Variants in SRI observed in about 807,000 individuals in gnomAD.
SRI encodes the protein sorcin, also known as 22 kDa protein.
In SRI, 30 loss-of-function variants were observed where a neutral mutation model predicts 33.3. The observed-to-expected ratio is 0.90, with a 90% CI of 0.67 to 1.22. The LOEUF (loss-of-function observed/expected upper bound fraction) is 1.22. Ranked by LOEUF, SRI falls within the 50% of genes most tolerant of loss-of-function variation. The pLI, the probability that SRI is intolerant of heterozygous loss-of-function variation, is 0.00. For missense variants in SRI, 243 were observed against 250.8 expected (o/e 0.97, Z 0.21); for synonymous variants, 75 against 89.9 (o/e 0.83, Z 0.94).
intron 1 of SRI, 79 bp downstream of exon 1, chr7:88,219,897 G>T: frequency 4.0e-6 from 6 of 1,496,560 alleles, no homozygotes; most frequent in Non-Finnish European, 5.4e-6. Context: ...GCCTCACCCC[G>T]CTGGCCGCAG....
intron 7 of SRI, among the ~76,000 whole-genome samples, chr7:88,207,018 T>C (rs774502124): frequency 1.3e-5 from 2 of 152,206 alleles, no homozygotes; most frequent in Non-Finnish European, 2.9e-5. Flanking sequence ...ACCCTTCAGA[T>C]ACCTGAGATT....
chr7:88,222,711 C>T (rs923457593), upstream of SRI, among the ~76,000 whole-genome samples: 1 of 152,126 alleles, frequency 6.6e-6, no homozygotes, highest in African/African-American at 2.4e-5. Context: ...CTACAACTAT[C>T]TGATCTTTGA....
chr7:88,216,443 C>A (rs999646872), intron 3 of SRI, among the ~76,000 whole-genome samples: 1 of 152,094 alleles, frequency 6.6e-6, no homozygotes, highest in Non-Finnish European at 1.5e-5. Context: ...GAGGAAAGAC[C>A]TGAGGGATGT....
upstream of SRI, among the ~76,000 whole-genome samples, chr7:88,222,160 T>C (rs1280323691): frequency 6.7e-6 from 1 of 148,946 alleles, no homozygotes; most frequent in Non-Finnish European, 1.5e-5. Flanking sequence ...CGTGTGCATG[T>C]GTCTTTATAG....
intron 1 of SRI, among the ~76,000 whole-genome samples, chr7:88,225,897 A>T (rs904195584): frequency 1.1e-4 from 16 of 152,202 alleles, no homozygotes; most frequent in African/African-American, 3.9e-4. Flanking sequence ...GATGAACAAG[A>T]TGTAAATATG....
In SRI at chr7:88,206,289, T is replaced by C. The variant is rs1563470070; in HGVS notation, c.*189A>G. The C allele has an allele frequency of 2.9e-6, 2 of 682,712 alleles. No homozygotes were observed. The highest frequency in any genetic ancestry group is 1.8e-5 in the South Asian group (1 of 57,070). 42.3% of individuals were successfully genotyped at this position (682,712 alleles called of 1,614,324 possible). A position where few individuals can be genotyped will look rare whatever the true frequency, so the allele number is the denominator to read the frequency against. On this transcript the variant is annotated 3_prime_UTR_variant, in exon 8 of 8. Transcript: ENST00000265729. The stretch of plus-strand genomic sequence containing the variant: ...AAATGGTGTAACAGACTAGATCTTA[T>C]TAAAGTTCCAAAGAATTTATTATCA...
At position 88,217,133 on chromosome 7, in the gene SRI, C is replaced by T; in HGVS notation, c.194G>A (p.Gly65Glu). 6.2e-7 allele frequency: 1 copy of T among 1,613,602 alleles called. No individual in the cohort carries two copies. Among genetic ancestry groups the T allele is most frequent in the Non-Finnish European group, 8.5e-7 (1 of 1,179,982 alleles). The change falls in exon 3 of 8, where the codon GGA becomes GAA. Residue 65 changes from glycine to glutamate, a missense_variant. Gly to Glu is a moderately conservative substitution (Grantham distance 98, BLOSUM62 -2). Transcript: ENST00000265729. ...QRCLTQSGIA[G>E]GYKPFNLETC... ...GACTGTCAACTTACGTTTGTATCCTCCAGCAATGCCAGACTGTGTCAGACA... is the reference window on the plus strand; with the variant it reads ...GACTGTCAACTTACGTTTGTATCCTTCAGCAATGCCAGACTGTGTCAGACA...
intron 1 of SRI, among the ~76,000 whole-genome samples, chr7:88,226,509 T>C (rs1162156508): frequency 6.6e-6 from 1 of 152,150 alleles, no homozygotes; most frequent in East Asian, 1.9e-4. Flanking sequence ...GGAGGGAATT[T>C]GGGAAGAAAA....
At position 88,208,551 on chromosome 7, in the gene SRI, G is replaced by A. The variant is rs11539560; in HGVS notation, c.526C>T (p.Arg176Trp). The stretch of plus-strand genomic sequence containing the variant: ...ACAACACCTTGCTGAGCAGTATCCC[G>A]TCTTCGAAAGCTGTCTGTAAAACAA... ...LRALTDSFRR[R>W]DTAQQGVVNF... The change falls in exon 7 of 8, where the codon CGG becomes TGG. Residue 176 changes from arginine (R) to tryptophan (W), a missense_variant. By Grantham distance (101) the Arg-to-Trp change is moderately radical. Coordinates refer to ENST00000265729, the MANE Select transcript of SRI (RefSeq NM_003130.4). 381 of 1,613,776 alleles carry A rather than the reference G, an allele frequency of 2.4e-4. No individual in the cohort carries two copies. The African/African-American group carries it at 4.5e-3, about 19-fold the overall frequency.
chr7:88,225,423 G>T (rs935026658), intron 1 of SRI, among the ~76,000 whole-genome samples: 8 of 152,176 alleles, frequency 5.3e-5, no homozygotes, highest in African/African-American at 1.7e-4. Context: ...ATCACTAGAA[G>T]TGATCAAGAA....
intron 3 of SRI, chr7:88,216,827 T>G: frequency 2.4e-6 from 1 of 414,744 alleles, no homozygotes; most frequent in Admixed American, 3.8e-5. Context: ...CAGGCTGGAG[T>G]GCAGTGGTAC....
intron 3 of SRI, 77 bp downstream of exon 3, chr7:88,217,045 A>G: frequency 7.6e-7 from 1 of 1,308,890 alleles, no homozygotes; most frequent in Non-Finnish European, 1.1e-6. Context: ...GTTTTCTTGA[A>G]GGCTGTAATC....
At chr7:88,223,578 C>T (rs538063958), upstream of SRI, among the ~76,000 whole-genome samples, 10 of 152,258 alleles carry the variant, frequency 6.6e-5, no homozygotes, top group Non-Finnish European at 1.2e-4. Flanking sequence ...TATCCATAGA[C>T]AATAGATAAA....
intron 3 of SRI, chr7:88,214,713 T>C: frequency 2.7e-6 from 1 of 369,888 alleles, no homozygotes; most frequent in Non-Finnish European, 3.7e-6. Flanking sequence ...ATAATTAAAA[T>C]TATTAATTCA....
chr7:88,220,567 T>C (rs1851867814), upstream of SRI, among the ~76,000 whole-genome samples: 1 of 152,166 alleles, frequency 6.6e-6, no homozygotes, highest in African/African-American at 2.4e-5. Context: ...AAGAATTAAC[T>C]TGACGAACTG....
At chr7:88,209,513 A>C in intron 5 of SRI, 61 bp from the exon 6 acceptor site, 1 of 1,295,406 alleles carries the variant, frequency 7.7e-7, no homozygotes, top group South Asian at 1.2e-5. Flanking sequence ...TAAAAAATAA[A>C]ATAATCAAGC....
intron 2 of SRI, 72 bp from the exon 3 acceptor site, chr7:88,217,263 G>T: frequency 2.4e-6 from 3 of 1,231,692 alleles, no homozygotes; most frequent in Non-Finnish European, 2.4e-6. Flanking sequence ...AGCATTCAAT[G>T]AAGCAATAAC....
rs375490587 is a variant in SRI, at chr7:88,216,696, A to G, written c.205+426T>C. 1.7e-3 allele frequency: 312 copies of G among 179,720 alleles called. 1 individual carries two copies. The highest frequency in any genetic ancestry group is 7.4e-3 in the African/African-American group (309 of 41,920). The allele number at this position is 179,720 out of a possible 1,614,324, so 11.1% of individuals were successfully genotyped here. ...TTGTCCTCTGTGAAGGAGGCCACCC[A>G]AACTGTCTCACTGGTTCTAGGTACA... On this transcript the variant is annotated intron_variant, in intron 3 of 7. Coordinates refer to ENST00000265729, the MANE Select transcript of SRI (RefSeq NM_003130.4).
chr7:88,224,186 C>G (rs1185579765), upstream of SRI, among the ~76,000 whole-genome samples: 1 of 152,238 alleles, frequency 6.6e-6, no homozygotes, highest in Non-Finnish European at 1.5e-5. Context: ...TAAACATGCT[C>G]TCAGAGAGAA....
Sources: gnomAD v4.1 joint callset for allele counts (sites outside exome capture counted in the v4.1 genomes callset) on GRCh38, gnomAD v4.1.1 for gene constraint, MANE v1.5 for transcripts, NCBI Gene and HGNC (gene_info 2026-07-23, HGNC 2026-07-21) for gene names.